DAPK2: variants seen among roughly 807,000 people sequenced by gnomAD.
The protein encoded by DAPK2 is death-associated protein kinase 2.
DAPK2 carries 35 observed loss-of-function variants against 44.1 expected under a neutral mutation model. The observed-to-expected ratio is 0.79, with a 90% confidence interval of 0.61 to 1.05. The LOEUF (loss-of-function observed/expected upper bound fraction) is 1.05. Among genes scored for constraint, DAPK2 ranks in the 50% least tolerant of loss-of-function variants. The pLI, the probability that DAPK2 is intolerant of heterozygous loss-of-function variation, is 0.00. For missense variants in DAPK2, 453 were observed against 483.2 expected (o/e 0.94, Z 0.59); for synonymous variants, 174 against 182.6 (o/e 0.95, Z 0.38).
intron 7 of DAPK2, among the ~76,000 whole-genome samples, chr15:63,925,183 C>A (rs1023577366): frequency 6.6e-6 from 1 of 152,218 alleles, no homozygotes; most frequent in East Asian, 1.9e-4. Flanking sequence ...CTCTCCATTG[C>A]TAAATCCCTG....
chr15:63,960,917 T>C (rs1317852585), intron 3 of DAPK2, among the ~76,000 whole-genome samples: 1 of 152,208 alleles, frequency 6.6e-6, no homozygotes, highest in Non-Finnish European at 1.5e-5. Flanking sequence ...ACTTTCTGTC[T>C]TGTTGATCTG....
rs551364743 is a variant in DAPK2 at position 64,036,709 on chromosome 15, T to C, written c.92+3461A>G. On this transcript the variant is annotated intron_variant, in intron 1 of 10. Coordinates refer to ENST00000261891, the Ensembl canonical transcript of DAPK2. The stretch of plus-strand genomic sequence containing the variant: ...TCATTTTTGCATAGTTAAGACTTAA[T>C]GAAGAGCTAAAATCAATGAGAGGGC... Among the ~76,000 whole-genome samples the C allele has an allele frequency of 2.0e-5, 3 of 152,224 alleles. No homozygotes were observed. In the East Asian group the frequency reaches 5.8e-4, roughly 29 times the overall value.
rs140907337 is a variant in DAPK2, at chr15:63,980,018, C to A, written c.314+3515G>T. On this transcript the variant is annotated intron_variant, in intron 2 of 10. Transcript: ENST00000261891. The surrounding 1 kb of genome is among the most constrained non-coding windows in gnomAD (Gnocchi z 4.3). ...ACATGGGTTAGGGACAGTCTTGGAA[C>A]GCTTGGGTCTTCTCCAATCTCATAA... 6.6e-6 allele frequency among the ~76,000 whole-genome samples: 1 copy of A among 152,164 alleles called. No homozygotes were observed. Among genetic ancestry groups the A allele is most frequent in the Non-Finnish European group, 1.5e-5 (1 of 68,032 alleles).
At chr15:63,927,196 C>T (rs549251022) in intron 6 of DAPK2, among the ~76,000 whole-genome samples, 10 of 152,280 alleles carry the variant, frequency 6.6e-5, no homozygotes, top group East Asian at 1.9e-4. Context: ...GAATTAATGG[C>T]CATTATTATT....
At chr15:63,945,855 C>T (rs557899026) in intron 3 of DAPK2, among the ~76,000 whole-genome samples, 11 of 152,294 alleles carry the variant, frequency 7.2e-5, no homozygotes, top group African/African-American at 9.6e-5. Context: ...TAAGGCAGGA[C>T]GTGTAAAGGC....
chr15:63,992,204 T>C (rs16947642), intron 1 of DAPK2, among the ~76,000 whole-genome samples: 2,447 of 152,330 alleles, frequency 0.016, 30 homozygotes, highest in Admixed American at 0.032. Flanking sequence ...AATTAAAGTT[T>C]GACTTGGCTA....
intron 10 of DAPK2, chr15:63,909,590 T>G (rs1179261832): frequency 1.3e-5 from 2 of 152,098 alleles, no homozygotes; most frequent in African/African-American, 4.8e-5. Context: ...TCACCTGAGG[T>G]CAGGGATTCG....
chr15:63,971,688 G>T, intron 2 of DAPK2, 127 bp from the exon 4 acceptor site: 1 of 1,028,226 alleles, frequency 9.7e-7, no homozygotes, highest in Non-Finnish European at 1.4e-6. Context: ...AATCCCCCTG[G>T]CTTATTTCTG....
At chr15:63,925,657 A>C (rs2079224001) in intron 7 of DAPK2, among the ~76,000 whole-genome samples, 1 of 150,402 alleles carries the variant, frequency 6.6e-6, no homozygotes, top group Admixed American at 6.7e-5. Context: ...AGCCCTAAAG[A>C]AACCCAGGCT....
chr15:63,970,017 C>G (rs1013807844), intron 3 of DAPK2, among the ~76,000 whole-genome samples: 1 of 152,198 alleles, frequency 6.6e-6, no homozygotes, highest in Admixed American at 6.5e-5. Context: ...TCAGATTGAC[C>G]TCTGCAAAAG....
At position 63,923,985 on chromosome 15, in the gene DAPK2, C is replaced by G. The variant is rs1202874281; in HGVS notation, c.858+831G>C. The stretch of plus-strand genomic sequence containing the variant: ...ACAGGCATGAGCCACTGCACCTGGC[C>G]TGCCTCACCTTTTCTTATCTCCACC... On this transcript the variant is annotated intron_variant, in intron 8 of 10. Transcript: ENST00000261891. This position sits in a 1 kb window ranked among gnomAD's most constrained non-coding sequence, Gnocchi z 4.2. 6.6e-6 allele frequency among the ~76,000 whole-genome samples: 1 copy of G among 152,210 alleles called. No homozygotes were observed. The highest frequency in any genetic ancestry group is 2.4e-5 in the African/African-American group (1 of 41,446).
At chr15:64,045,366 G>C (rs1293696436) in intron 1 of DAPK2, among the ~76,000 whole-genome samples, 1 of 152,140 alleles carries the variant, frequency 6.6e-6, no homozygotes, top group Non-Finnish European at 1.5e-5. Context: ...AAGGCACCAC[G>C]GCCTCTTAGG....
intron 2 of DAPK2, among the ~76,000 whole-genome samples, chr15:63,982,844 C>T (rs947517033): frequency 3.9e-5 from 6 of 152,086 alleles, no homozygotes; most frequent in African/African-American, 1.2e-4. Flanking sequence ...TGTGTGACAG[C>T]GTTGTTATGA....
intron 8 of DAPK2, among the ~76,000 whole-genome samples, chr15:63,914,499 C>T (rs2078875504): frequency 6.6e-6 from 1 of 152,176 alleles, no homozygotes; most frequent in African/African-American, 2.4e-5. Flanking sequence ...CAAGCCCAGC[C>T]CTGGGTCTAG....
chr15:63,974,563 AG>A (rs1186615860), intron 2 of DAPK2, among the ~76,000 whole-genome samples: 4 of 152,188 alleles, frequency 2.6e-5, no homozygotes, highest in Non-Finnish European at 4.4e-5. Flanking sequence ...AGTTAAGACA[AG>A]GGTTATGGAG....
intron 2 of DAPK2, among the ~76,000 whole-genome samples, chr15:63,982,704 C>T (rs2078556120): frequency 6.6e-6 from 1 of 152,246 alleles, no homozygotes; most frequent in African/African-American, 2.4e-5. Context: ...CAACCCGCCT[C>T]ACACTCATAG....
At chr15:63,983,717 T>C in exon 2 of DAPK2, 1 of 1,613,124 alleles carries the variant, frequency 6.2e-7, no homozygotes. Context: ...AGCCCCGTGC[T>C]CTTCTCCCGG....
chr15:63,987,632 C>T (rs1378567421), intron 1 of DAPK2, among the ~76,000 whole-genome samples: 1 of 152,186 alleles, frequency 6.6e-6, no homozygotes, highest in Non-Finnish European at 1.5e-5. Context: ...TGACAGGGAG[C>T]TGCCTTTTCA....
chr15:63,992,857 C>T (rs1265567801), intron 1 of DAPK2, among the ~76,000 whole-genome samples: 1 of 152,184 alleles, frequency 6.6e-6, no homozygotes, highest in African/African-American at 2.4e-5. Context: ...GGTCAGTTTG[C>T]TCCCTCCTAG....
Sources: allele counts gnomAD v4.1 joint callset (sites outside exome capture counted in the v4.1 genomes callset), GRCh38; gene constraint gnomAD v4.1.1; non-coding constraint Gnocchi (gnomAD v3.1); transcripts MANE v1.5; gene names NCBI Gene and HGNC (gene_info 2026-07-23, HGNC 2026-07-21).